Variants in TMEM132C observed in about 807,000 individuals in gnomAD.
The protein encoded by TMEM132C is transmembrane protein 132C, also known as protein phosphatase 1, regulatory subunit 152.
Under a neutral mutation model 61.4 loss-of-function variants are expected in TMEM132C, and 29 were observed. The ratio of observed to expected loss-of-function variants is 0.47; its 90% CI spans 0.35 to 0.64. The LOEUF (loss-of-function observed/expected upper bound fraction) is 0.64. Among genes scored for constraint, TMEM132C ranks in the 30% least tolerant of loss-of-function variants. The probability of loss-of-function intolerance (pLI) is 0.00; values close to 1 mark genes in which losing one functional copy is unlikely to be tolerated. For missense variants in TMEM132C, 1,408 were observed against 1,476.9 expected, an observed-to-expected ratio of 0.95 and a Z score of 0.76; for synonymous variants, 656 against 633.1, an observed-to-expected ratio of 1.04 and a Z score of -0.54.
At chr12:128,290,337 GGA>G (rs374065598) in intron 1 of TMEM132C, among the ~76,000 whole-genome samples, 2 of 152,046 alleles carry the variant, frequency 1.3e-5, no homozygotes, top group Middle Eastern at 3.4e-3. Flanking sequence ...CATGGCAGCA[GGA>G]GAGAGAGAGA....
intron 4 of TMEM132C, among the ~76,000 whole-genome samples, chr12:128,651,217 C>A (rs886620035): frequency 6.6e-6 from 1 of 152,198 alleles, no homozygotes; most frequent in African/African-American, 2.4e-5. Flanking sequence ...ATTTTGTTTC[C>A]TGGTCTTGAC....
chr12:128,674,396 A>G (rs1332058989), intron 5 of TMEM132C, among the ~76,000 whole-genome samples: 2 of 152,198 alleles, frequency 1.3e-5, no homozygotes, highest in Non-Finnish European at 2.9e-5. Context: ...TCATCCATTT[A>G]TGAATCATGC....
chr12:128,467,920 G>A (rs566812241), intron 2 of TMEM132C, among the ~76,000 whole-genome samples: 2 of 152,320 alleles, frequency 1.3e-5, no homozygotes, highest in South Asian at 2.1e-4. Context: ...TTTATAGTCC[G>A]GTGGAGGAGA....
intron 2 of TMEM132C, among the ~76,000 whole-genome samples, chr12:128,488,381 C>T (rs1593071334): frequency 1.3e-5 from 2 of 152,318 alleles, no homozygotes; most frequent in African/African-American, 2.4e-5. Context: ...ATATTATTGG[C>T]TAGGTGTGGT....
intron 2 of TMEM132C, among the ~76,000 whole-genome samples, chr12:128,499,478 A>G (rs989634757): frequency 2.6e-5 from 4 of 152,162 alleles, no homozygotes; most frequent in African/African-American, 9.7e-5. Flanking sequence ...GAGTCACCCT[A>G]CTGTGCTACT....
chr12:128,661,356 G>A (rs1954387623), intron 4 of TMEM132C, among the ~76,000 whole-genome samples: 1 of 152,190 alleles, frequency 6.6e-6, no homozygotes, highest in Non-Finnish European at 1.5e-5. Context: ...CTAGGTTAAT[G>A]TTTAGTTGAC....
intron 2 of TMEM132C, among the ~76,000 whole-genome samples, chr12:128,465,205 T>A (rs1272220026): frequency 1.3e-5 from 2 of 151,604 alleles, no homozygotes; most frequent in Non-Finnish European, 2.9e-5. Flanking sequence ...TCATTTCTTT[T>A]TTTTTTTTTT....
At chr12:128,429,326 A>G (rs1376054045) in intron 2 of TMEM132C, among the ~76,000 whole-genome samples, 2 of 152,220 alleles carry the variant, frequency 1.3e-5, no homozygotes, top group African/African-American at 2.4e-5. Flanking sequence ...CCCAAATGCC[A>G]GTCAACGTGC....
intron 2 of TMEM132C, among the ~76,000 whole-genome samples, chr12:128,540,785 A>G (rs1873709606): frequency 6.6e-6 from 1 of 152,108 alleles, no homozygotes; most frequent in Non-Finnish European, 1.5e-5. Flanking sequence ...TCTGCAGCAG[A>G]TGTCAGCTAG....
intron 1 of TMEM132C, among the ~76,000 whole-genome samples, chr12:128,362,914 G>A (rs535092272): frequency 3.0e-4 from 46 of 152,292 alleles, no homozygotes; most frequent in African/African-American, 9.6e-4. Flanking sequence ...CAAAGTGAAC[G>A]TCTAGTGGGC....
At chr12:128,601,180 C>T (rs1457075020) in intron 3 of TMEM132C, among the ~76,000 whole-genome samples, 1 of 152,198 alleles carries the variant, frequency 6.6e-6, no homozygotes, top group Non-Finnish European at 1.5e-5. Flanking sequence ...GGAATGGGCT[C>T]AACCCTTCTG....
chr12:128,519,842 G>T lies in TMEM132C; in HGVS notation c.975-24115G>T, dbSNP rs553104556. Among the ~76,000 whole-genome samples, 7 of 152,292 alleles carry T rather than the reference G, an allele frequency of 4.6e-5. 1 individual carries two copies. In the East Asian group the frequency reaches 1.4e-3, roughly 29 times the overall value. ...TGCCCTGCCAAGCCTCTACTGTAAG[G>T]TCCAGAAACCTCCTCCGATGTTGCC... On this transcript the variant is annotated intron_variant, in intron 2 of 8. Transcript: ENST00000435159.
chr12:128,349,080 T>C (rs1174958172), intron 1 of TMEM132C, among the ~76,000 whole-genome samples: 1 of 152,226 alleles, frequency 6.6e-6, no homozygotes, highest in Non-Finnish European at 1.5e-5. Context: ...CTGGGCTCAC[T>C]GCAACATGTG....
At chr12:128,357,952 G>A (rs1873571949) in intron 1 of TMEM132C, among the ~76,000 whole-genome samples, 1 of 152,016 alleles carries the variant, frequency 6.6e-6, no homozygotes, top group Admixed American at 6.6e-5. Context: ...GGAACACACG[G>A]CCCCACCCTG....
intron 2 of TMEM132C, among the ~76,000 whole-genome samples, chr12:128,492,907 G>A (rs531229793): frequency 6.6e-6 from 1 of 152,266 alleles, no homozygotes; most frequent in African/African-American, 2.4e-5. Context: ...TTGGTGTTTA[G>A]TCATGAAGTC....
chr12:128,493,620 T>G (rs1346341033), intron 2 of TMEM132C, among the ~76,000 whole-genome samples: 1 of 152,226 alleles, frequency 6.6e-6, no homozygotes, highest in Non-Finnish European at 1.5e-5. Context: ...CAATTGCAAA[T>G]TGGAGTTCAC....
intron 1 of TMEM132C, among the ~76,000 whole-genome samples, chr12:128,390,518 C>G (rs1018254448): frequency 1.3e-5 from 2 of 152,148 alleles, no homozygotes; most frequent in South Asian, 4.1e-4. Context: ...ATGGGGAGCA[C>G]CCAGTCACTC....
chr12:128,390,807 G>C (rs1713603), intron 1 of TMEM132C, among the ~76,000 whole-genome samples: 1 of 152,110 alleles, frequency 6.6e-6, no homozygotes, highest in African/African-American at 2.4e-5. Flanking sequence ...AGGCTGTGGC[G>C]CTGTCCAGGT....
At chr12:128,284,975 CA>C (rs779792343) in intron 1 of TMEM132C, among the ~76,000 whole-genome samples, 37 of 151,960 alleles carry the variant, frequency 2.4e-4, no homozygotes, top group Non-Finnish European at 4.7e-4. Flanking sequence ...AGCTCTACCC[CA>C]AAAAATAAAC....
Sources: gnomAD v4.1 joint callset for allele counts (sites outside exome capture counted in the v4.1 genomes callset) on GRCh38, gnomAD v4.1.1 for gene constraint, MANE v1.5 for transcripts, NCBI Gene and HGNC (gene_info 2026-07-23, HGNC 2026-07-21) for gene names.